Variants in RBKS observed in about 807,000 individuals in gnomAD.
RBKS encodes ribokinase.
A neutral mutation model predicts 33.9 loss-of-function variants in RBKS; 33 were observed. The observed-to-expected ratio is 0.97, with a 90% confidence interval of 0.74 to 1.30. RBKS has a LOEUF of 1.30. RBKS is among the 50% of genes most tolerant of loss of function. The pLI is 0.00. For missense variants in RBKS, 361 were observed against 392.6 expected (o/e 0.92, Z 0.68); for synonymous variants, 125 against 143.0 (o/e 0.87, Z 0.90).
At chr2:27,793,228 A>G (rs1677571524) in intron 7 of RBKS, among the ~76,000 whole-genome samples, 2 of 152,256 alleles carry the variant, frequency 1.3e-5, no homozygotes, top group East Asian at 1.9e-4. Context: ...CTATTCTGCA[A>G]CAATCATAGT....
At chr2:27,863,433 A>G (rs1199197302) in intron 1 of RBKS, among the ~76,000 whole-genome samples, 1 of 152,216 alleles carries the variant, frequency 6.6e-6, no homozygotes, top group East Asian at 1.9e-4. Flanking sequence ...TCAACTCCTT[A>G]AATGCCTGGG....
intron 1 of RBKS, among the ~76,000 whole-genome samples, chr2:27,883,178 A>G (rs1664452892): frequency 6.6e-6 from 1 of 151,580 alleles, no homozygotes; most frequent in Non-Finnish European, 1.5e-5. Context: ...AGCAGTAACC[A>G]TGTTTTCCTA....
chr2:27,801,464 TACACAC>T (rs56063622), intron 7 of RBKS, among the ~76,000 whole-genome samples: 1,649 of 136,312 alleles, frequency 0.012, 28 homozygotes, highest in African/African-American at 0.042. Context: ...GGCCACAGTA[TACACAC>T]ACACACACAC....
At chr2:27,794,964 A>G (rs1677638600) in intron 7 of RBKS, among the ~76,000 whole-genome samples, 1 of 152,070 alleles carries the variant, frequency 6.6e-6, no homozygotes, top group African/African-American at 2.4e-5. Context: ...ATTGCCCAAA[A>G]ACAAAAAATT....
intron 1 of RBKS, among the ~76,000 whole-genome samples, chr2:27,866,955 T>C (rs532350028): frequency 6.6e-6 from 1 of 152,070 alleles, no homozygotes; most frequent in Admixed American, 6.6e-5. Context: ...AATTTAAAAA[T>C]TAGCTGGGTA....
At position 27,848,046 on chromosome 2, in the gene RBKS, C is replaced by A; in HGVS notation, c.274G>T (p.Asp92Tyr). 2 of 1,488,114 alleles carry A rather than the reference C, an allele frequency of 1.3e-6. No individual in the cohort carries two copies. The highest frequency in any genetic ancestry group is 1.9e-6 in the Non-Finnish European group (2 of 1,077,810). The allele number at this position is 1,488,114 out of a possible 1,614,324, so 92.2% of individuals were successfully genotyped here. A position where few individuals can be genotyped will look rare whatever the true frequency, so the allele number is the denominator to read the frequency against. ...GTGGGAATTTTACCTGTAGAAATAT[C>A]ATTCTGTTTTAAGTTTTCTATATAA... The part of the protein sequence containing the change: ...NDYIENLKQN[D>Y]ISTEFTYQTK... Residue 92 changes from aspartate to tyrosine, a missense_variant, in exon 3 of 8, where the codon GAT becomes TAT. Asp to Tyr is a radical substitution (Grantham distance 160, BLOSUM62 -3). Transcript: ENST00000302188.
intron 2 of RBKS, among the ~76,000 whole-genome samples, chr2:27,857,285 C>G (rs1213646681): frequency 1.3e-5 from 2 of 152,072 alleles, no homozygotes; most frequent in Non-Finnish European, 2.9e-5. Flanking sequence ...GCTGGCTTTC[C>G]CTAAAAATCA....
At chr2:27,868,472 A>G (rs1049675133) in intron 1 of RBKS, among the ~76,000 whole-genome samples, 1 of 152,220 alleles carries the variant, frequency 6.6e-6, no homozygotes, top group Non-Finnish European at 1.5e-5. Context: ...GTTTTTAACC[A>G]CAATATGCTA....
At chr2:27,872,568 A>G (rs977112858) in intron 1 of RBKS, among the ~76,000 whole-genome samples, 1 of 152,232 alleles carries the variant, frequency 6.6e-6, no homozygotes, top group African/African-American at 2.4e-5. Context: ...ACTCACTTTA[A>G]TCAAAAGGTT....
rs999651717 is a variant in RBKS, at chr2:27,837,636, T to C, written c.515-4859A>G. On this transcript the variant is annotated intron_variant, in intron 5 of 7. Transcript: ENST00000302188. The surrounding 1 kb of genome is among the most constrained non-coding windows in gnomAD (Gnocchi z 4.0). ...GTGGTACATATATACCATGGAATAC[T>C]ATGTAGCCGTAAAAAGGAATGAAAT... is the stretch of plus-strand genomic sequence containing the variant. Among the ~76,000 whole-genome samples, 1 of 152,204 alleles carries C rather than the reference T, an allele frequency of 6.6e-6. No homozygotes were observed.
intron 1 of RBKS, among the ~76,000 whole-genome samples, chr2:27,864,600 G>A (rs919949606): frequency 5.3e-5 from 8 of 152,044 alleles, no homozygotes; most frequent in African/African-American, 1.9e-4. Flanking sequence ...CTTTAGAGAG[G>A]ACTTCCCAGA....
intron 4 of RBKS, among the ~76,000 whole-genome samples, chr2:27,844,550 G>A (rs955350491): frequency 1.3e-5 from 2 of 151,770 alleles, no homozygotes; most frequent in African/African-American, 2.4e-5. Context: ...GTGCCGCCAC[G>A]CCTGGCTAAT....
At chr2:27,792,720 C>T (rs1299226255) in intron 7 of RBKS, among the ~76,000 whole-genome samples, 2 of 152,198 alleles carry the variant, frequency 1.3e-5, no homozygotes, top group Non-Finnish European at 2.9e-5. Flanking sequence ...TCTCCCACTC[C>T]TTCTTGCCCT....
chr2:27,798,560 C>G (rs746442183), intron 7 of RBKS, among the ~76,000 whole-genome samples: 1 of 152,136 alleles, frequency 6.6e-6, no homozygotes, highest in Non-Finnish European at 1.5e-5. Context: ...CAGTAATGTT[C>G]ACATCACCTC....
In RBKS at chr2:27,890,373, G is replaced by C. The variant is rs543611264; in HGVS notation, c.-28C>G. 8 of 1,603,950 alleles carry C rather than the reference G, an allele frequency of 5.0e-6. No homozygotes were observed. The Middle Eastern group carries it at 5.0e-4, about 100-fold the overall frequency. On this transcript the variant is annotated 5_prime_UTR_variant, in exon 1 of 8. Transcript: ENST00000302188. This position sits in a 1 kb window ranked among gnomAD's most constrained non-coding sequence, Gnocchi z 4.8. ...CTCAAAGGTGCTGCTGTCCAACCTG[G>C]ACGGTGACCTCTGCCCTTTGCCCGA...
At chr2:27,848,198 A>T (rs1196346491) in intron 2 of RBKS, 101 bp from the exon 3 acceptor site, 3 of 634,588 alleles carry the variant, frequency 4.7e-6, no homozygotes, top group Non-Finnish European at 8.2e-6. Flanking sequence ...ATATCTGCAC[A>T]GTACTTTATA....
intron 1 of RBKS, among the ~76,000 whole-genome samples, chr2:27,874,508 G>A (rs578095096): frequency 7.2e-5 from 11 of 152,308 alleles, no homozygotes; most frequent in Non-Finnish European, 4.4e-5. Flanking sequence ...ACAACACGTC[G>A]TCAAGAGTGA....
chr2:27,878,137 C>T (rs1384820832), intron 1 of RBKS, among the ~76,000 whole-genome samples: 1 of 151,752 alleles, frequency 6.6e-6, no homozygotes, highest in East Asian at 1.9e-4. Flanking sequence ...CCCATTAACT[C>T]GTCATTTAGC....
At chr2:27,825,665 A>T (rs981198393) in intron 7 of RBKS, among the ~76,000 whole-genome samples, 4 of 152,236 alleles carry the variant, frequency 2.6e-5, no homozygotes, top group African/African-American at 9.6e-5. Context: ...GCCCACTATG[A>T]GGAAGGCAGA....
Sources: gnomAD v4.1 joint callset for allele counts (sites outside exome capture counted in the v4.1 genomes callset) on GRCh38, gnomAD v4.1.1 for gene constraint, Gnocchi (gnomAD v3.1) non-coding constraint, MANE v1.5 for transcripts, NCBI Gene and HGNC (gene_info 2026-07-23, HGNC 2026-07-21) for gene names.